Variants in GPD2 observed in about 807,000 individuals in gnomAD.
GPD2 encodes glycerol-3-phosphate dehydrogenase 2.
Under a neutral mutation model 82.4 loss-of-function variants are expected in GPD2, and 54 were observed. That is an observed-to-expected ratio of 0.66 (90% CI 0.53 to 0.82). The LOEUF is 0.82. GPD2 is among the 40% of genes least tolerant of loss of function. GPD2 has a pLI of 0.00. For synonymous variants in GPD2, 288 were observed against 306.1 expected (o/e 0.94, Z 0.62); for missense variants, 748 against 896.2 (o/e 0.83, Z 2.11).
At chr2:156,496,737 A>G (rs1684396586) in intron 3 of GPD2, among the ~76,000 whole-genome samples, 1 of 152,114 alleles carries the variant, frequency 6.6e-6, no homozygotes, top group South Asian at 2.1e-4. Context: ...GCACATATTT[A>G]TATTTATATA....
chr2:156,522,238 G>C (rs1342093893), intron 6 of GPD2, among the ~76,000 whole-genome samples: 1 of 152,126 alleles, frequency 6.6e-6, no homozygotes, highest in Non-Finnish European at 1.5e-5. Flanking sequence ...TAAATACCAG[G>C]CTTTCATTCT....
intron 11 of GPD2, 23 bp from the exon 12 acceptor site, chr2:156,570,064 C>T: frequency 6.2e-7 from 1 of 1,608,774 alleles, no homozygotes. Flanking sequence ...AAGTGCCTGC[C>T]TAACGCAGCT....
At chr2:156,468,808 A>T (rs1683229025) in intron 1 of GPD2, among the ~76,000 whole-genome samples, 1 of 152,196 alleles carries the variant, frequency 6.6e-6, no homozygotes. Flanking sequence ...ATGGGTATCC[A>T]TTACCTTAAG....
chr2:156,467,800 T>C (rs1683199128), intron 1 of GPD2, among the ~76,000 whole-genome samples: 1 of 152,190 alleles, frequency 6.6e-6, no homozygotes, highest in South Asian at 2.1e-4. Context: ...AACAGGCTAA[T>C]GTGCCTCTTC....
intron 6 of GPD2, among the ~76,000 whole-genome samples, chr2:156,515,473 A>G (rs1207664087): frequency 6.6e-6 from 1 of 151,994 alleles, no homozygotes; most frequent in African/African-American, 2.4e-5. Context: ...TGTGAATTAT[A>G]GATTCTTATT....
At chr2:156,537,089 G>A (rs865902318) in intron 6 of GPD2, among the ~76,000 whole-genome samples, 3 of 152,206 alleles carry the variant, frequency 2.0e-5, no homozygotes, top group Non-Finnish European at 2.9e-5. Context: ...TCTGTTTGAC[G>A]TCTACAGTGG....
At chr2:156,573,933 T>G (rs1279913827) in intron 13 of GPD2, among the ~76,000 whole-genome samples, 1 of 152,230 alleles carries the variant, frequency 6.6e-6, no homozygotes, top group Non-Finnish European at 1.5e-5. Context: ...TGCTTGTTTT[T>G]ACCAGTCAAT....
chr2:156,494,144 T>G (rs1182276019), intron 2 of GPD2, among the ~76,000 whole-genome samples: 2 of 152,338 alleles, frequency 1.3e-5, no homozygotes, highest in Non-Finnish European at 2.9e-5. Flanking sequence ...TTTTTGTGGT[T>G]TGGTGTCAGA....
intron 6 of GPD2, among the ~76,000 whole-genome samples, chr2:156,518,770 G>A (rs1685290484): frequency 6.6e-6 from 1 of 152,168 alleles, no homozygotes; most frequent in Non-Finnish European, 1.5e-5. Context: ...TGTAAACAGA[G>A]TTGTTGAATG....
intron 6 of GPD2, among the ~76,000 whole-genome samples, chr2:156,529,659 C>A (rs1375423179): frequency 6.6e-6 from 1 of 151,448 alleles, no homozygotes; most frequent in Non-Finnish European, 1.5e-5. Flanking sequence ...CTACATATGG[C>A]TAGCCAGTTT....
chr2:156,457,514 A>G (rs961224235), intron 1 of GPD2, among the ~76,000 whole-genome samples: 1 of 152,178 alleles, frequency 6.6e-6, no homozygotes, highest in African/African-American at 2.4e-5. Context: ...TTGATAGAAC[A>G]CTCTGAAATA....
chr2:156,567,100 T>A (rs1687420337), intron 9 of GPD2, among the ~76,000 whole-genome samples: 1 of 152,118 alleles, frequency 6.6e-6, no homozygotes, highest in African/African-American at 2.4e-5. Flanking sequence ...TTCTCATATG[T>A]TCTGCATATA....
At chr2:156,544,653 A>G (rs991001542) in intron 6 of GPD2, among the ~76,000 whole-genome samples, 1 of 152,198 alleles carries the variant, frequency 6.6e-6, no homozygotes, top group African/African-American at 2.4e-5. Context: ...GAAATGGGAA[A>G]AGGTTGAAGT....
At chr2:156,413,349 A>G in the GPD2 span, among the ~76,000 whole-genome samples, 6 of 152,190 alleles carry the variant, frequency 3.9e-5, no homozygotes, top group East Asian at 1.2e-3. Context: ...TGGGAGGCCG[A>G]GGCAGGTGGA....
intron 6 of GPD2, among the ~76,000 whole-genome samples, chr2:156,543,402 T>C (rs982568211): frequency 9.8e-5 from 15 of 152,326 alleles, no homozygotes; most frequent in South Asian, 2.1e-4. Context: ...TCTGTTCTTT[T>C]AGGAACATAT....
chr2:156,403,426 G>A, the GPD2 span, among the ~76,000 whole-genome samples: 1 of 152,132 alleles, frequency 6.6e-6, no homozygotes, highest in Non-Finnish European at 1.5e-5. Flanking sequence ...TGTAATGCTT[G>A]GAGCTGCCCC....
chr2:156,502,044 A>G (rs1684601921), intron 3 of GPD2, among the ~76,000 whole-genome samples: 1 of 152,160 alleles, frequency 6.6e-6, no homozygotes, highest in South Asian at 2.1e-4. Flanking sequence ...CAAAACTGTC[A>G]TCATTAGTTA....
intron 3 of GPD2, among the ~76,000 whole-genome samples, chr2:156,502,925 C>T (rs768652233): frequency 2.2e-4 from 34 of 151,196 alleles, no homozygotes; most frequent in South Asian, 4.2e-4. Flanking sequence ...TTTTATTTTG[C>T]TTCTTTTCCC....
chr2:156,440,592 T>C (rs1207970128), intron 1 of GPD2, among the ~76,000 whole-genome samples: 1 of 152,244 alleles, frequency 6.6e-6, no homozygotes, highest in African/African-American at 2.4e-5. Flanking sequence ...TTTCTTTCTA[T>C]ATCATATCGG....
Sources: allele counts gnomAD v4.1 joint callset (sites outside exome capture counted in the v4.1 genomes callset), GRCh38; gene constraint gnomAD v4.1.1; transcripts MANE v1.5; gene names NCBI Gene and HGNC (gene_info 2026-07-23, HGNC 2026-07-21).